The following RAD50 variants were observed in gnomAD, a reference collection of about 807,000 sequenced individuals.
The protein encoded by RAD50 is RAD50 double strand break repair protein, also known as DNA repair protein RAD50.
Under a neutral mutation model 168.8 loss-of-function variants are expected in RAD50, and 132 were observed. That is an observed-to-expected ratio of 0.78 (90% CI 0.68 to 0.90). The LOEUF is 0.90. Ranked by LOEUF, RAD50 falls within the 40% of genes least tolerant of loss-of-function variation. The probability of loss-of-function intolerance (pLI) is 0.00; values close to 1 mark genes in which losing one functional copy is unlikely to be tolerated. For missense variants in RAD50, 1,347 were observed against 1,534.4 expected (o/e 0.88, Z 2.04); for synonymous variants, 525 against 497.4 (o/e 1.06, Z -0.74).
At chr5:132,583,916 C>T (rs532740048) in intron 5 of RAD50, among the ~76,000 whole-genome samples, 2 of 151,964 alleles carry the variant, frequency 1.3e-5, no homozygotes, top group Non-Finnish European at 2.9e-5. Context: ...AGGCTGGTCT[C>T]GAACTCCCAA....
rs752752641 is a variant in RAD50 at position 132,609,157 on chromosome 5, A to G, written c.2870A>G (p.Tyr957Cys). Reference sequence around the variant, plus strand: ...GAGAAGGTTAAAAATATTCATGGCTATATGAAAGACATTGAGAATTATATT... The same window carrying G: ...GAGAAGGTTAAAAATATTCATGGCTGTATGAAAGACATTGAGAATTATATT... ...IKEKVKNIHG[Y>C]MKDIENYIQD... The change falls in exon 18 of 25, where the codon TAT becomes TGT. Residue 957 changes from tyrosine to cysteine, a missense_variant. Tyr to Cys is a radical substitution (Grantham distance 194). Around this residue, in one of 3 missense-constraint regions of RAD50, gnomAD observed 635 missense variants for 739.2 expected, o/e 0.86. Transcript: ENST00000378823. 6.2e-7 allele frequency: 1 copy of G among 1,611,946 alleles called. No individual in the cohort carries two copies. Among genetic ancestry groups the G allele is most frequent in the Non-Finnish European group, 8.5e-7 (1 of 1,179,020 alleles).
At chr5:132,610,949 T>C (rs905676568) in intron 19 of RAD50, among the ~76,000 whole-genome samples, 10 of 152,194 alleles carry the variant, frequency 6.6e-5, no homozygotes, top group African/African-American at 2.4e-4. Flanking sequence ...CTTAGTTATA[T>C]ACAATAGAGC....
chr5:132,584,646 G>A (rs1159577265), intron 5 of RAD50, among the ~76,000 whole-genome samples: 2 of 152,088 alleles, frequency 1.3e-5, no homozygotes, highest in Non-Finnish European at 2.9e-5. Flanking sequence ...ACATGCACAT[G>A]TATGTTTATT....
chr5:132,568,341 C>G (rs1750245062), intron 2 of RAD50, among the ~76,000 whole-genome samples: 1 of 152,054 alleles, frequency 6.6e-6, no homozygotes, highest in Non-Finnish European at 1.5e-5. Context: ...CCTCGGCCTC[C>G]CAAAGTGCTG....
Position 132,591,443 on chromosome 5 carries a change from G to A in RAD50, c.1635+37G>A, listed in dbSNP as rs370246847. ...CTTTTTGTTCTAATTATACTGTCTGGTACTTAAAATAGCCTACCTTGCACT... is the reference window on the plus strand; with the variant it reads ...CTTTTTGTTCTAATTATACTGTCTGATACTTAAAATAGCCTACCTTGCACT... On this transcript the variant is annotated intron_variant, in intron 10 of 24. Coordinates refer to ENST00000378823, the MANE Select transcript of RAD50 (RefSeq NM_005732.4). The A allele has an allele frequency of 3.0e-5, 47 of 1,579,964 alleles. No individual in the cohort carries two copies. The Admixed American group carries it at 3.4e-4, about 11-fold the overall frequency.
At chr5:132,635,546 C>G (rs1751563847) in intron 21 of RAD50, among the ~76,000 whole-genome samples, 1 of 152,198 alleles carries the variant, frequency 6.6e-6, no homozygotes. Flanking sequence ...AGTGCTGTGT[C>G]TCAGCAGACC....
At chr5:132,612,306 C>T (rs1014811419) in intron 19 of RAD50, among the ~76,000 whole-genome samples, 1 of 152,116 alleles carries the variant, frequency 6.6e-6, no homozygotes, top group African/African-American at 2.4e-5. Context: ...TTAGGTAAAT[C>T]CAGTGACAGC....
chr5:132,559,335 A>G lies in RAD50; in HGVS notation c.181A>G (p.Thr61Ala). The stretch of plus-strand genomic sequence containing the variant: ...TTGTACTGGAGATTTCCCTCCTGGA[A>G]CCAAAGGAAATACATTTGTACACGA... ...YICTGDFPPG[T>A]KGNTFVHDPK... The change falls in exon 2 of 25, where the codon ACC (threonine) becomes GCC (alanine). Residue 61 changes from threonine (T) to alanine (A), a missense_variant. Thr to Ala is a moderately conservative substitution (Grantham distance 58). Transcript: ENST00000378823. The G allele has an allele frequency of 3.1e-6, 5 of 1,608,736 alleles. No homozygotes were observed. The highest frequency in any genetic ancestry group is 4.2e-6 in the Non-Finnish European group (5 of 1,177,242).
In RAD50 at chr5:132,557,026, G is replaced by C. The variant is rs959307431; in HGVS notation, c.-299G>C. On this transcript the variant is annotated 5_prime_UTR_variant, in exon 1 of 25. Transcript: ENST00000378823. ...CAGGAAGCTGTGAGTGCGCGGTTGC[G>C]GGGTCGCATTGTGGCTACGGCTTTG... is the stretch of plus-strand genomic sequence containing the variant. The C allele has an allele frequency of 7.3e-6, 5 of 684,042 alleles. No homozygotes were observed. The East Asian group carries it at 1.8e-4, about 24-fold the overall frequency. 42.4% of individuals were successfully genotyped at this position (684,042 alleles called of 1,614,324 possible).
rs530247843 is a variant in RAD50, at chr5:132,556,983, T to A, written c.-342T>A. The A allele has an allele frequency of 6.6e-6, 6 of 911,230 alleles. No homozygotes were observed. Among genetic ancestry groups the A allele is most frequent in the Non-Finnish European group, 9.1e-6 (6 of 661,696 alleles). The allele number at this position is 911,230 out of a possible 1,614,324, so 56.4% of individuals were successfully genotyped here. A position where few individuals can be genotyped will look rare whatever the true frequency, so the allele number is the denominator to read the frequency against. On this transcript the variant is annotated 5_prime_UTR_variant, in exon 1 of 25. Transcript: ENST00000378823. ...CGTGCGGGCCTAGAGGCCCACGTGA[T>A]CCGCAGGGCGGCCGAGGCAGGAAGC...
intron 8 of RAD50, among the ~76,000 whole-genome samples, chr5:132,589,228 C>G (rs1207503419): frequency 6.6e-6 from 1 of 151,884 alleles, no homozygotes; most frequent in Non-Finnish European, 1.5e-5. Flanking sequence ...AGTGATAGAC[C>G]ACATATTTGA....
chr5:132,614,466 T>C (rs966379786), intron 19 of RAD50, among the ~76,000 whole-genome samples: 5 of 151,932 alleles, frequency 3.3e-5, no homozygotes, highest in Non-Finnish European at 7.4e-5. Context: ...TATTCAGTTG[T>C]CTCGGTATCT....
rs778914163 is a variant in RAD50 at position 132,579,387 on chromosome 5, G to A, written c.436G>A (p.Val146Ile). 6.2e-7 allele frequency: 1 copy of A among 1,613,914 alleles called. No homozygotes were observed. The highest frequency in any genetic ancestry group is 2.2e-5 in the East Asian group (1 of 44,862). ...IDREMISSLG[V>I]SKAVLNNVIF... ...CCGAGAAATGATCAGTTCTCTTGGG[G>A]TTTCCAAGGCTGTGCTAAATAATGT... is the stretch of plus-strand genomic sequence containing the variant. The change falls in exon 4 of 25, where the codon GTT (valine) becomes ATT (isoleucine). Residue 146 changes from valine to isoleucine, a missense_variant. By Grantham distance (29) the Val-to-Ile change is conservative. Coordinates refer to ENST00000378823, the MANE Select transcript of RAD50 (RefSeq NM_005732.4).
intron 21 of RAD50, among the ~76,000 whole-genome samples, chr5:132,623,501 T>C (rs1249503279): frequency 2.0e-5 from 3 of 152,102 alleles, no homozygotes; most frequent in Non-Finnish European, 4.4e-5. Context: ...ATAACAGTAA[T>C]AATAATAACC....
intron 20 of RAD50, 48 bp downstream of exon 20, chr5:132,616,178 G>A (rs1751172389): frequency 6.4e-7 from 1 of 1,564,200 alleles, no homozygotes; most frequent in Non-Finnish European, 8.8e-7. Flanking sequence ...CTTTATTACT[G>A]GAATGTGAAG....
rs548533863 is a variant in RAD50, at chr5:132,604,184, A to C, written c.2524+138A>C. On this transcript the variant is annotated intron_variant, in intron 15 of 24. Coordinates refer to ENST00000378823, the MANE Select transcript of RAD50 (RefSeq NM_005732.4). ...CATATATTTGCTCTTTTTTTCTGAA[A>C]AGCATCACTTCTCTTTGTTCTCTTA... The C allele has an allele frequency of 2.2e-5, 23 of 1,024,532 alleles. No homozygotes were observed. The South Asian group carries it at 2.7e-4, about 12-fold the overall frequency. 63.5% of individuals were successfully genotyped at this position (1,024,532 alleles called of 1,614,324 possible).
At position 132,581,340 on chromosome 5, in the gene RAD50, G is replaced by A. The variant is rs146406087; in HGVS notation, c.756+1274G>A. On this transcript the variant is annotated intron_variant, in intron 5 of 24. Coordinates refer to ENST00000378823, the MANE Select transcript of RAD50 (RefSeq NM_005732.4). Reference sequence around the variant, plus strand: ...TCTCCATGTTGGTCAGGCTGGTCGCGAACTCCCGACCTCAAGTGATCTGCC... The same window carrying A: ...TCTCCATGTTGGTCAGGCTGGTCGCAAACTCCCGACCTCAAGTGATCTGCC... Among the ~76,000 whole-genome samples the A allele has an allele frequency of 6.5e-3, 981 of 152,046 alleles. 5 individuals carry two copies. The highest frequency in any genetic ancestry group is 0.023 in the African/African-American group (937 of 41,484).
Position 132,643,233 on chromosome 5 carries a change from A to T in RAD50, c.*869A>T. 3.0e-6 allele frequency: 1 copy of T among 331,724 alleles called. No individual in the cohort carries two copies. 20.5% of individuals were successfully genotyped at this position (331,724 alleles called of 1,614,324 possible). On this transcript the variant is annotated 3_prime_UTR_variant, in exon 25 of 25. Coordinates refer to ENST00000378823, the MANE Select transcript of RAD50 (RefSeq NM_005732.4). ...CAAGCCAGGCTCACTCACAGAGTCA[A>T]GGCCTGCTCCCTGTAGGGTCCAACC...
intron 2 of RAD50, among the ~76,000 whole-genome samples, chr5:132,569,982 T>TA (rs1278809115): frequency 6.6e-6 from 1 of 152,164 alleles, no homozygotes; most frequent in Non-Finnish European, 1.5e-5. Flanking sequence ...CTTAGAGAGA[T>TA]ACGGTAGAAA....
Sources: allele counts gnomAD v4.1 joint callset (sites outside exome capture counted in the v4.1 genomes callset), GRCh38; gene constraint gnomAD v4.1.1; regional missense constraint gnomAD v4.1.1; transcripts MANE v1.5; gene names NCBI Gene and HGNC (gene_info 2026-07-23, HGNC 2026-07-21).